Variants in SBF2 observed in about 807,000 individuals in gnomAD.
SBF2 encodes the protein myotubularin-related protein 13.
A neutral mutation model predicts 225.2 loss-of-function variants in SBF2; 112 were observed. The ratio of observed to expected loss-of-function variants is 0.50; its 90% CI spans 0.43 to 0.58. The LOEUF (loss-of-function observed/expected upper bound fraction) is 0.58, where lower values mean the gene tolerates loss of function less well. SBF2 is among the 20% of genes least tolerant of loss of function. The pLI is 0.00. For synonymous variants in SBF2, 763 were observed against 773.3 expected, an observed-to-expected ratio of 0.99 and a Z score of 0.22; for missense variants, 1,996 against 2,206.2, an observed-to-expected ratio of 0.90 and a Z score of 1.91.
At chr11:9,894,224 A>G (rs1861061067) in intron 17 of SBF2, among the ~76,000 whole-genome samples, 1 of 152,204 alleles carries the variant, frequency 6.6e-6, no homozygotes, top group Non-Finnish European at 1.5e-5. Flanking sequence ...TCTACAAAAA[A>G]ATACAAAAAA....
chr11:9,880,443 T>TA (rs1564949478), intron 17 of SBF2, among the ~76,000 whole-genome samples: 2 of 152,226 alleles, frequency 1.3e-5, no homozygotes, highest in Non-Finnish European at 2.9e-5. Flanking sequence ...GGCTGCCCCT[T>TA]AGATGGGACA....
At chr11:10,040,112 A>C (rs1949596618) in intron 3 of SBF2, among the ~76,000 whole-genome samples, 1 of 152,024 alleles carries the variant, frequency 6.6e-6, no homozygotes, top group Non-Finnish European at 1.5e-5. Flanking sequence ...GTAAATGCTG[A>C]AATCTAGGGG....
intron 2 of SBF2, among the ~76,000 whole-genome samples, chr11:10,187,340 C>T (rs1490249775): frequency 6.6e-6 from 1 of 151,886 alleles, no homozygotes; most frequent in Non-Finnish European, 1.5e-5. Context: ...GTCCCCTCTC[C>T]ACCTGCCTCA....
intron 2 of SBF2, among the ~76,000 whole-genome samples, chr11:10,107,868 C>T (rs1366192840): frequency 6.6e-6 from 1 of 152,090 alleles, no homozygotes; most frequent in South Asian, 2.1e-4. Context: ...TATGGATAGA[C>T]ATCTTTTGGG....
At chr11:10,023,575 C>T (rs1403955419) in intron 6 of SBF2, among the ~76,000 whole-genome samples, 2 of 152,120 alleles carry the variant, frequency 1.3e-5, no homozygotes, top group Non-Finnish European at 2.9e-5. Context: ...TCTGTTTTGC[C>T]CCTATGTGTT....
chr11:10,024,781 T>C (rs1032801467), intron 6 of SBF2, among the ~76,000 whole-genome samples: 18 of 152,198 alleles, frequency 1.2e-4, no homozygotes, highest in African/African-American at 3.6e-4. Context: ...TTTACACATT[T>C]CAATGCTGCT....
intron 17 of SBF2, among the ~76,000 whole-genome samples, chr11:9,891,554 C>T (rs572732357): frequency 1.8e-4 from 27 of 152,122 alleles, no homozygotes; most frequent in Admixed American, 3.9e-4. Flanking sequence ...AAGCACAGGG[C>T]TTGGCATAGC....
At chr11:9,809,922 G>A (rs1179685149) in intron 30 of SBF2, among the ~76,000 whole-genome samples, 9 of 152,124 alleles carry the variant, frequency 5.9e-5, no homozygotes, top group Non-Finnish European at 8.8e-5. Context: ...ACCAAAAAGC[G>A]TTGAGTTGTG....
intron 1 of SBF2, among the ~76,000 whole-genome samples, chr11:10,291,172 G>GT (rs1964136179): frequency 2.0e-5 from 3 of 152,142 alleles, no homozygotes; most frequent in Non-Finnish European, 4.4e-5. Context: ...CCCAAAATTC[G>GT]TATGTTAAAA....
intron 1 of SBF2, among the ~76,000 whole-genome samples, chr11:10,198,932 C>T (rs1957477188): frequency 6.6e-6 from 1 of 152,174 alleles, no homozygotes; most frequent in Admixed American, 6.5e-5. Context: ...AATGTTGTGG[C>T]TAATTTCATC....
chr11:9,882,039 G>A (rs2134086199), intron 17 of SBF2, among the ~76,000 whole-genome samples: 1 of 152,196 alleles, frequency 6.6e-6, no homozygotes, highest in Middle Eastern at 3.4e-3. Context: ...AGCTCTCCTT[G>A]TAACACCACA....
Position 10,079,864 on chromosome 11 carries a change from A to G in SBF2, c.142-36883T>C, listed in dbSNP as rs530155715. 7.2e-5 allele frequency among the ~76,000 whole-genome samples: 11 copies of G among 152,296 alleles called. No homozygotes were observed. The East Asian group carries it at 2.1e-3, about 29-fold the overall frequency. On this transcript the variant is annotated intron_variant, in intron 2 of 39. Transcript: ENST00000256190. ...AGAGTAAAGCATCTAGTGACCTATC[A>G]AGGAAATCCCAAGAGACTAACAGTA...
chr11:9,942,901 G>GAGAGAGAAAGAAAGAAAGAAAGAAAGAA (rs1209099295), intron 16 of SBF2, among the ~76,000 whole-genome samples: 1 of 101,312 alleles, frequency 9.9e-6, no homozygotes, highest in Non-Finnish European at 2.2e-5. Flanking sequence ...AAGAGAGAGA[G>GAGAGAGAAAGAAAGAAAGAAAGAAAGAA]AGAAAGAAAG....
intron 1 of SBF2, among the ~76,000 whole-genome samples, chr11:10,288,042 G>A (rs542524964): frequency 1.3e-5 from 2 of 152,320 alleles, no homozygotes; most frequent in East Asian, 1.9e-4. Context: ...GGCCGGCACC[G>A]GGGAATGTAG....
chr11:10,108,009 A>G (rs1952629268), intron 2 of SBF2, among the ~76,000 whole-genome samples: 1 of 152,198 alleles, frequency 6.6e-6, no homozygotes, highest in Non-Finnish European at 1.5e-5. Context: ...TGATAGATAT[A>G]TCCACTATCA....
chr11:10,196,191 G>T (rs981582955), intron 1 of SBF2, among the ~76,000 whole-genome samples: 1 of 152,132 alleles, frequency 6.6e-6, no homozygotes, highest in African/African-American at 2.4e-5. Flanking sequence ...CTGGCATATA[G>T]TCTATACTGA....
At chr11:9,989,360 T>C (rs1381266092) in intron 13 of SBF2, 137 bp downstream of exon 13, 2 of 609,494 alleles carry the variant, frequency 3.3e-6, no homozygotes, top group East Asian at 5.6e-5. Flanking sequence ...GCTTGGGTGA[T>C]GAGTGCACCA....
Position 10,031,916 on chromosome 11 carries a change from G to GT in SBF2, c.280-747dup, listed in dbSNP as rs76491600. Among the ~76,000 whole-genome samples, 35 of 152,072 alleles carry GT rather than the reference G, an allele frequency of 2.3e-4. 1 individual carries two copies. In the East Asian group the frequency reaches 6.4e-3, roughly 28 times the overall value. On this transcript the variant is annotated intron_variant, in intron 3 of 39. Transcript: ENST00000256190. The stretch of plus-strand genomic sequence containing the variant: ...CTCCACCACGCCAGGTTAATTTTTT[G>GT]TTTTTTGTAGAGGCAGGGTCTCCCT...
chr11:10,040,206 C>A (rs1310528910), intron 3 of SBF2, among the ~76,000 whole-genome samples: 1 of 151,850 alleles, frequency 6.6e-6, no homozygotes, highest in Non-Finnish European at 1.5e-5. Flanking sequence ...ACATAAAAAT[C>A]GCCACTATGA....
Sources: allele counts gnomAD v4.1 joint callset (sites outside exome capture counted in the v4.1 genomes callset), GRCh38; gene constraint gnomAD v4.1.1; transcripts MANE v1.5; gene names NCBI Gene and HGNC (gene_info 2026-07-23, HGNC 2026-07-21).